The following SLC30A7 variants were observed in gnomAD, a reference collection of about 807,000 sequenced individuals.
SLC30A7 encodes the protein zinc transporter 7.
SLC30A7 carries 35 observed loss-of-function variants against 46.0 expected under a neutral mutation model. The observed-to-expected ratio is 0.76, with a 90% CI of 0.58 to 1.01. SLC30A7 has a LOEUF of 1.01. Ranked by LOEUF, SLC30A7 falls within the 50% of genes least tolerant of loss-of-function variation. The probability of loss-of-function intolerance (pLI) is 0.00; values close to 1 mark genes in which losing one functional copy is unlikely to be tolerated. For missense variants in SLC30A7, 464 were observed against 451.1 expected (o/e 1.03, Z -0.26); for synonymous variants, 147 against 157.8 (o/e 0.93, Z 0.51).
rs1375347051 is a variant in SLC30A7 at position 100,975,718 on chromosome 1, G to A, written c.*861G>A. ...AATTTTTGCATTTTTAGTAGAGATG[G>A]GGTTTCACCATGTTGGCCAGGATGG... is the stretch of plus-strand genomic sequence containing the variant. On this transcript the variant is annotated 3_prime_UTR_variant, in exon 11 of 11. Transcript: ENST00000357650. 1.3e-5 allele frequency: 2 copies of A among 152,138 alleles called. No individual in the cohort carries two copies. The highest frequency in any genetic ancestry group is 4.8e-5 in the African/African-American group (2 of 41,338). The allele number at this position is 152,138 out of a possible 1,614,324, so 9.4% of individuals were successfully genotyped here. A position where few individuals can be genotyped will look rare whatever the true frequency, so the allele number is the denominator to read the frequency against.
intron 9 of SLC30A7, 150 bp downstream of exon 9, chr1:100,962,068 G>A (rs979155120): frequency 6.3e-6 from 3 of 474,980 alleles, no homozygotes; most frequent in African/African-American, 6.0e-5. Flanking sequence ...ATACAAACCA[G>A]AATAAAATTG....
At chr1:100,920,033 G>A (rs1456810589) in intron 7 of SLC30A7, among the ~76,000 whole-genome samples, 1 of 151,944 alleles carries the variant, frequency 6.6e-6, no homozygotes, top group Non-Finnish European at 1.5e-5. Context: ...AACAGTTTAT[G>A]TAGTAAGAAG....
the SLC30A7 span, among the ~76,000 whole-genome samples, chr1:100,988,803 T>C: frequency 6.6e-6 from 1 of 151,952 alleles, no homozygotes; most frequent in Non-Finnish European, 1.5e-5. Flanking sequence ...TGAGCCAAGA[T>C]TGCACCACTA....
intron 7 of SLC30A7, among the ~76,000 whole-genome samples, chr1:100,919,989 A>G (rs1652838449): frequency 6.6e-6 from 1 of 152,098 alleles, no homozygotes; most frequent in Admixed American, 6.5e-5. Flanking sequence ...TAAACATCCT[A>G]GTTTATGTTT....
At chr1:100,944,915 A>G (rs958638028) in intron 8 of SLC30A7, among the ~76,000 whole-genome samples, 2 of 152,134 alleles carry the variant, frequency 1.3e-5, no homozygotes, top group Non-Finnish European at 2.9e-5. Context: ...ACAGTGTAAA[A>G]GCGTTCCTAT....
chr1:100,987,667 TC>T, the SLC30A7 span, among the ~76,000 whole-genome samples: 5 of 138,104 alleles, frequency 3.6e-5, no homozygotes, highest in African/African-American at 1.4e-4. Flanking sequence ...TGTTGTCTGC[TC>T]TTTTTTTTTT....
intron 6 of SLC30A7, among the ~76,000 whole-genome samples, chr1:100,915,116 T>TC (rs1652397505): frequency 1.2e-5 from 1 of 86,202 alleles, no homozygotes; most frequent in South Asian, 3.0e-4. Flanking sequence ...TTCTTTCTTT[T>TC]CTTTTTTCTT....
chr1:100,901,736 A>G (rs753205638), intron 2 of SLC30A7, among the ~76,000 whole-genome samples: 1 of 152,156 alleles, frequency 6.6e-6, no homozygotes, highest in Admixed American at 6.6e-5. Context: ...GAGCCACTGC[A>G]CCCGGCTGGT....
chr1:100,908,299 A>G (rs189471623), intron 3 of SLC30A7, among the ~76,000 whole-genome samples: 2 of 152,186 alleles, frequency 1.3e-5, no homozygotes, highest in East Asian at 3.9e-4. Flanking sequence ...CTGTTTAGAT[A>G]TTTATTGAGG....
chr1:100,909,347 C>T (rs1651927747), intron 3 of SLC30A7, among the ~76,000 whole-genome samples: 1 of 152,086 alleles, frequency 6.6e-6, no homozygotes, highest in Non-Finnish European at 1.5e-5. Context: ...TAAAAGTCAT[C>T]TTTGTGTCTT....
chr1:100,933,964 GTT>G (rs1653810009), intron 8 of SLC30A7, among the ~76,000 whole-genome samples: 1 of 152,080 alleles, frequency 6.6e-6, no homozygotes, highest in Non-Finnish European at 1.5e-5. Flanking sequence ...TCAAGTTATT[GTT>G]TTCATAAATG....
intron 10 of SLC30A7, among the ~76,000 whole-genome samples, chr1:100,966,511 G>C (rs983566059): frequency 6.6e-6 from 1 of 151,732 alleles, no homozygotes; most frequent in Admixed American, 6.6e-5. Context: ...CATGAACCCA[G>C]GAGGCGGAGC....
chr1:100,896,437 A>G (rs1288098919), intron 1 of SLC30A7, 95 bp downstream of exon 1: 8 of 1,471,736 alleles, frequency 5.4e-6, no homozygotes, highest in Non-Finnish European at 6.7e-6. Flanking sequence ...GGGAGAGTCA[A>G]AAACTCCCCG....
At chr1:100,971,994 C>G (rs562443553) in intron 10 of SLC30A7, among the ~76,000 whole-genome samples, 2 of 152,222 alleles carry the variant, frequency 1.3e-5, no homozygotes, top group South Asian at 4.2e-4. Flanking sequence ...AAATAGGTGC[C>G]TTTCCCATTT....
downstream of SLC30A7, among the ~76,000 whole-genome samples, chr1:100,984,122 G>C (rs865971192): frequency 6.6e-6 from 1 of 152,190 alleles, no homozygotes; most frequent in Non-Finnish European, 1.5e-5. Flanking sequence ...CAATCCTATG[G>C]TGGTGGCCAA....
chr1:100,910,214 A>G (rs1324806668), intron 3 of SLC30A7, among the ~76,000 whole-genome samples: 4 of 152,122 alleles, frequency 2.6e-5, no homozygotes. Flanking sequence ...TGCTCTCATT[A>G]TATTGTTTAA....
At chr1:100,903,204 A>G (rs781261524) in intron 2 of SLC30A7, among the ~76,000 whole-genome samples, 1 of 152,114 alleles carries the variant, frequency 6.6e-6, no homozygotes, top group Admixed American at 6.5e-5. Flanking sequence ...ACACAACTCT[A>G]TCATTTTATC....
At chr1:100,964,022 G>T (rs1655695193) in intron 9 of SLC30A7, among the ~76,000 whole-genome samples, 1 of 152,034 alleles carries the variant, frequency 6.6e-6, no homozygotes, top group Non-Finnish European at 1.5e-5. Context: ...AGATTTAATG[G>T]TAAAGGATAA....
At chr1:100,926,274 C>T (rs1653300170) in intron 8 of SLC30A7, among the ~76,000 whole-genome samples, 1 of 152,062 alleles carries the variant, frequency 6.6e-6, no homozygotes, top group Non-Finnish European at 1.5e-5. Flanking sequence ...TAAAGATATA[C>T]CTGAGACTGG....
Sources: gnomAD v4.1 joint callset for allele counts (sites outside exome capture counted in the v4.1 genomes callset) on GRCh38, gnomAD v4.1.1 for gene constraint, MANE v1.5 for transcripts, NCBI Gene and HGNC (gene_info 2026-07-23, HGNC 2026-07-21) for gene names.